The following MYOM1 variants were observed in gnomAD, a reference collection of about 807,000 sequenced individuals.
MYOM1 encodes myomesin-1.
A neutral mutation model predicts 205.3 loss-of-function variants in MYOM1; 164 were observed. The ratio of observed to expected loss-of-function variants is 0.80; its 90% CI spans 0.70 to 0.91. MYOM1 has a LOEUF of 0.91. MYOM1 is among the 40% of genes least tolerant of loss of function. The pLI is 0.00. For missense variants in MYOM1, 2,011 were observed against 2,127.3 expected (o/e 0.95, Z 1.08); for synonymous variants, 772 against 789.4 (o/e 0.98, Z 0.37).
At chr18:3,202,424 C>T (rs2081080220) in intron 2 of MYOM1, among the ~76,000 whole-genome samples, 1 of 139,838 alleles carries the variant, frequency 7.2e-6, no homozygotes. Context: ...AACTAATCCA[C>T]TTATATGCTG....
rs2081308142 is a variant in MYOM1 at position 3,219,592 on chromosome 18, A to G, written c.-29+211T>C. On this transcript the variant is annotated intron_variant, in intron 1 of 37. Coordinates refer to ENST00000356443, the MANE Select transcript of MYOM1 (RefSeq NM_003803.4). The surrounding 1 kb of genome is among the most constrained non-coding windows in gnomAD (Gnocchi z 4.4). ...CAGCAGCTTAATTTCAGAAGAATAC[A>G]GTGATGTGAGAGAAGAGCTGTGCCA... is the stretch of plus-strand genomic sequence containing the variant. Among the ~76,000 whole-genome samples, 1 of 152,224 alleles carries G rather than the reference A, an allele frequency of 6.6e-6. No homozygotes were observed.
At chr18:3,068,282 C>A (rs554557841) in intron 37 of MYOM1, among the ~76,000 whole-genome samples, 16 of 151,194 alleles carry the variant, frequency 1.1e-4, no homozygotes, top group African/African-American at 2.2e-4. Context: ...ATAAAGAAAT[C>A]CATAAGAAAT....
intron 3 of MYOM1, 74 bp downstream of exon 3, chr18:3,193,744 T>C: frequency 7.0e-7 from 1 of 1,426,218 alleles, no homozygotes; most frequent in Non-Finnish European, 9.5e-7. Context: ...CAATTATGAC[T>C]ATAATCTGCC....
chr18:3,119,169 A>G (rs913152193), intron 20 of MYOM1, among the ~76,000 whole-genome samples: 8 of 150,422 alleles, frequency 5.3e-5, no homozygotes, highest in African/African-American at 2.0e-4. Context: ...CCACCCAACC[A>G]CTCCCTATGA....
chr18:3,193,392 A>G (rs1203007834), intron 3 of MYOM1, among the ~76,000 whole-genome samples: 1 of 149,738 alleles, frequency 6.7e-6, no homozygotes, highest in African/African-American at 2.5e-5. Flanking sequence ...AATAATAAAA[A>G]TTCACCCAAC....
chr18:3,076,034 A>C (rs1444170991), intron 34 of MYOM1, among the ~76,000 whole-genome samples: 1 of 152,158 alleles, frequency 6.6e-6, no homozygotes, highest in Non-Finnish European at 1.5e-5. Context: ...GCAAAGATTA[A>C]CTCCAACAAA....
chr18:3,134,608 C>T (rs767172317), intron 16 of MYOM1, 42 bp downstream of exon 16: 26 of 1,563,350 alleles, frequency 1.7e-5, no homozygotes, highest in Middle Eastern at 3.7e-4. Flanking sequence ...TCTATGGCAG[C>T]TCCAGAGGCC....
chr18:3,133,036 C>T (rs10468732), intron 16 of MYOM1, among the ~76,000 whole-genome samples: 2,258 of 152,002 alleles, frequency 0.015, 56 homozygotes, highest in African/African-American at 0.051. Flanking sequence ...ATTGGGGTCT[C>T]GGTGTTCCAG....
At chr18:3,099,344 G>A (rs1264800739) in intron 25 of MYOM1, among the ~76,000 whole-genome samples, 2 of 152,210 alleles carry the variant, frequency 1.3e-5, no homozygotes, top group African/African-American at 2.4e-5. Flanking sequence ...TTTGTCCATA[G>A]TCTGGAATAG....
intron 19 of MYOM1, 46 bp downstream of exon 19, chr18:3,126,655 G>A: frequency 6.5e-7 from 1 of 1,546,938 alleles, no homozygotes; most frequent in Non-Finnish European, 8.8e-7. Flanking sequence ...TGCAAGCATA[G>A]CGTCATACAT....
At chr18:3,187,857 CTTTTT>C (rs763218658) in intron 4 of MYOM1, among the ~76,000 whole-genome samples, 1 of 124,224 alleles carries the variant, frequency 8.0e-6, no homozygotes. Flanking sequence ...ATTTCTTTTT[CTTTTT>C]TTTTTTTTTT....
intron 17 of MYOM1, 118 bp from the exon 18 acceptor site, chr18:3,129,637 G>T: frequency 8.9e-7 from 1 of 1,122,712 alleles, no homozygotes; most frequent in Non-Finnish European, 1.2e-6. Context: ...AACAGTCTTG[G>T]CTTAAAGAAA....
At chr18:3,211,344 T>G (rs1030419557) in intron 2 of MYOM1, among the ~76,000 whole-genome samples, 3 of 152,172 alleles carry the variant, frequency 2.0e-5, no homozygotes, top group African/African-American at 4.8e-5. Context: ...TTTTTAGACT[T>G]TCTAGAGCAA....
the MYOM1 span, among the ~76,000 whole-genome samples, chr18:3,239,778 A>G: frequency 3.3e-5 from 5 of 150,474 alleles, no homozygotes; most frequent in Admixed American, 1.3e-4. Context: ...AAAAAAAAAA[A>G]AAAAAGAAAT....
intron 13 of MYOM1, among the ~76,000 whole-genome samples, chr18:3,143,681 G>A (rs1194903354): frequency 1.3e-5 from 2 of 151,546 alleles, no homozygotes; most frequent in African/African-American, 2.4e-5. Context: ...CAGGTGAATC[G>A]CTTGAGCTCA....
intron 22 of MYOM1, among the ~76,000 whole-genome samples, chr18:3,104,805 T>C (rs1277568135): frequency 7.8e-6 from 1 of 128,564 alleles, no homozygotes; most frequent in Non-Finnish European, 1.5e-5. Flanking sequence ...CAGGCTGGAG[T>C]ACAGTGGTGT....
chr18:3,226,658 T>C, the MYOM1 span, among the ~76,000 whole-genome samples: 2 of 152,148 alleles, frequency 1.3e-5, no homozygotes, highest in East Asian at 3.9e-4. The surrounding 1 kb of genome is among the most constrained non-coding windows in gnomAD (Gnocchi z 4.6). Context: ...AAGTTTTTCG[T>C]GTGGTATTTA....
At chr18:3,127,353 G>A (rs1236335689) in intron 18 of MYOM1, among the ~76,000 whole-genome samples, 9 of 126,036 alleles carry the variant, frequency 7.1e-5, no homozygotes, top group Non-Finnish European at 1.4e-4. Flanking sequence ...TTGTCACCCA[G>A]GCTTGAGTGC....
chr18:3,168,270 C>T (rs2080501244), intron 9 of MYOM1, among the ~76,000 whole-genome samples: 1 of 150,310 alleles, frequency 6.7e-6, no homozygotes, highest in African/African-American at 2.5e-5. Context: ...GGTATTTTAC[C>T]AAATGGATTA....
Sources: gnomAD v4.1 joint callset for allele counts (sites outside exome capture counted in the v4.1 genomes callset) on GRCh38, gnomAD v4.1.1 for gene constraint, Gnocchi (gnomAD v3.1) non-coding constraint, MANE v1.5 for transcripts, NCBI Gene and HGNC (gene_info 2026-07-23, HGNC 2026-07-21) for gene names.